Variants in MYO1G observed in about 807,000 individuals in gnomAD.
MYO1G encodes unconventional myosin-Ig.
In MYO1G, 65 loss-of-function variants were observed where a neutral mutation model predicts 115.3. That is an observed-to-expected ratio of 0.56 (90% CI 0.46 to 0.69). The LOEUF (loss-of-function observed/expected upper bound fraction) is 0.69, where lower values mean the gene tolerates loss of function less well. Among genes scored for constraint, MYO1G ranks in the 30% least tolerant of loss-of-function variants. The pLI is 0.00. For synonymous variants in MYO1G, 510 were observed against 552.6 expected (o/e 0.92, Z 1.08); for missense variants, 1,204 against 1,393.5 (o/e 0.86, Z 2.16).
chr7:44,964,054 C>A lies in MYO1G; in HGVS notation c.2740G>T (p.Glu914Ter). Residue 914 changes from glutamate to a stop codon, truncating the protein, a stop_gained, in exon 20 of 22, where the codon GAG becomes TAG. Coordinates refer to ENST00000258787, the MANE Select transcript of MYO1G (RefSeq NM_033054.3). LOFTEE classifies it high-confidence loss of function. The surrounding 1 kb of genome is among the most constrained non-coding windows in gnomAD (Gnocchi z 5.1). ...QYRVMRAVPL[E>*]AVTGLSVTSG... is the part of the protein sequence containing the mutation. ...TCCCCACCCACATTGCTCACCGCCTCAAGGGGCACGGCCCGCATCACCCGG... is the reference window on the plus strand; with the variant it reads ...TCCCCACCCACATTGCTCACCGCCTAAAGGGGCACGGCCCGCATCACCCGG... The A allele has an allele frequency of 6.3e-7, 1 of 1,588,094 alleles. No homozygotes were observed. Among genetic ancestry groups the A allele is most frequent in the East Asian group, 2.3e-5 (1 of 43,746 alleles).
chr7:44,970,195 T>G, intron 9 of MYO1G, 41 bp from the exon 10 acceptor site: 1 of 1,369,356 alleles, frequency 7.3e-7, no homozygotes, highest in South Asian at 1.2e-5. Flanking sequence ...GGTCGCTGCT[T>G]GTGGAGTGCA....
At chr7:44,977,825 C>T (rs1173400344) in intron 1 of MYO1G, among the ~76,000 whole-genome samples, 1 of 152,172 alleles carries the variant, frequency 6.6e-6, no homozygotes, top group Non-Finnish European at 1.5e-5. Context: ...TCCCGGCAGC[C>T]TGTCCTGGGT....
chr7:44,963,008 A>C lies in MYO1G; in HGVS notation c.2862T>G (p.Val954=). 6.5e-7 allele frequency: 1 copy of C among 1,533,080 alleles called. No individual in the cohort carries two copies. The highest frequency in any genetic ancestry group is 2.5e-5 in the East Asian group (1 of 40,060). 95.0% of individuals were successfully genotyped at this position (1,533,080 alleles called of 1,614,324 possible). ...CGGCCAGCACGCCCACCAGCTCCCCAACGCGGTTGTCCAATGGCGGCCGGG... is the reference window on the plus strand; with the variant it reads ...CGGCCAGCACGCCCACCAGCTCCCCCACGCGGTTGTCCAATGGCGGCCGGG... The part of the protein sequence containing the change: ...HRSRPPLDNR[V]GELVGVLAAH... Residue 954 remains valine, a synonymous_variant, in exon 21 of 22, where the codon GTT becomes GTG. Transcript: ENST00000258787. The surrounding 1 kb of genome is among the most constrained non-coding windows in gnomAD (Gnocchi z 4.1).
intron 4 of MYO1G, 32 bp downstream of exon 4, chr7:44,975,452 C>G: frequency 4.4e-6 from 7 of 1,588,240 alleles, no homozygotes; most frequent in Non-Finnish European, 5.2e-6. Context: ...GCCAGGGCTC[C>G]CCATGGAGGT....
chr7:44,963,023 T>C lies in MYO1G; in HGVS notation c.2847A>G (p.Pro949=). Residue 949 remains proline (P), a synonymous_variant, in exon 21 of 22, where the codon CCA becomes CCG. Coordinates refer to ENST00000258787, the MANE Select transcript of MYO1G (RefSeq NM_033054.3). The surrounding 1 kb of genome is among the most constrained non-coding windows in gnomAD (Gnocchi z 4.1). ...CCAGCTCCCCAACGCGGTTGTCCAA[T>C]GGCGGCCGGGAGCGGTGCAGGCACA... ...LVVCLHRSRP[P]LDNRVGELVG... 2 of 1,532,046 alleles carry C rather than the reference T, an allele frequency of 1.3e-6. No homozygotes were observed. The highest frequency in any genetic ancestry group is 1.9e-4 in the Middle Eastern group (1 of 5,260). The allele number at this position is 1,532,046 out of a possible 1,614,324, so 94.9% of individuals were successfully genotyped here. A position where few individuals can be genotyped will look rare whatever the true frequency, so the allele number is the denominator to read the frequency against.
At chr7:44,967,447 G>T (rs1408004788) in intron 14 of MYO1G, among the ~76,000 whole-genome samples, 158 bp downstream of exon 14, 3 of 152,210 alleles carry the variant, frequency 2.0e-5, no homozygotes, top group Admixed American at 2.0e-4. Flanking sequence ...TGTGCAGTGG[G>T]TGGGGTCCAC....
intron 3 of MYO1G, 130 bp downstream of exon 3, chr7:44,976,434 A>C (rs567918245): frequency 2.4e-6 from 2 of 845,320 alleles, no homozygotes; most frequent in Non-Finnish European, 1.9e-6. Flanking sequence ...GAAACTTCCC[A>C]AGTTCCCACT....
At position 44,969,579 on chromosome 7, in the gene MYO1G, G is replaced by A; in HGVS notation, c.1504-96C>T. On this transcript the variant is annotated intron_variant, in intron 11 of 21. Coordinates refer to ENST00000258787, the MANE Select transcript of MYO1G (RefSeq NM_033054.3). This position sits in a 1 kb window ranked among gnomAD's most constrained non-coding sequence, Gnocchi z 5.0. ...CCCCACCTCCAGGGCAGAGAAGGTTGCCACAGTGACGACAATGGCACCAAA... is the reference window on the plus strand; with the variant it reads ...CCCCACCTCCAGGGCAGAGAAGGTTACCACAGTGACGACAATGGCACCAAA... 6.3e-7 allele frequency: 1 copy of A among 1,577,460 alleles called. No homozygotes were observed. The highest frequency in any genetic ancestry group is 8.7e-7 in the Non-Finnish European group (1 of 1,149,286).
chr7:44,972,181 C>T lies in MYO1G; in HGVS notation c.663G>A (p.Leu221=). ...SEDKQLHELH[L]ERNPAVYNFT... is the part of the protein sequence containing the mutation. ...AATTGTATACAGCAGGGTTTCTCTC[C>T]AAGTGCAGTTCATGCAGCTGCTTGT... Residue 221 remains leucine (L), a synonymous_variant, in exon 6 of 22, where the codon TTG becomes TTA. Transcript: ENST00000258787. The T allele has an allele frequency of 8.7e-6, 14 of 1,614,104 alleles. No individual in the cohort carries two copies. Among genetic ancestry groups the T allele is most frequent in the Non-Finnish European group, 1.2e-5 (14 of 1,180,010 alleles).
rs1794925465 is a variant in MYO1G at position 44,970,049 on chromosome 7, G to A, written c.1323C>T (p.Thr441=). 6.2e-7 allele frequency: 1 copy of A among 1,613,848 alleles called. No individual in the cohort carries two copies. The highest frequency in any genetic ancestry group is 8.5e-7 in the Non-Finnish European group (1 of 1,179,866). The change falls in exon 10 of 22, where the codon ACC becomes ACT. Residue 441 remains threonine, a synonymous_variant. Transcript: ENST00000258787. ...AGGCCACAGTGCTCACGCTCTGCCA[G>A]GTGATGCCCTCGCGCTCGTACTCTT... The part of the protein sequence containing the change: ...EQEEYEREGI[T]WQSVEYFNNA...
Position 44,965,862 on chromosome 7 carries a change from TG to T in MYO1G, c.2158-3del, listed in dbSNP as rs770277623. 5 of 1,598,388 alleles carry T rather than the reference TG, an allele frequency of 3.1e-6. No individual in the cohort carries two copies. Among genetic ancestry groups the T allele is most frequent in the Non-Finnish European group, 4.2e-6 (5 of 1,179,786 alleles). ...CCTCGCCAAGGTGCCCCGCCATGCC[TG>T]GGTGGGCCAGGTGGGATGGGATACG... On this transcript the variant is annotated splice_polypyrimidine_tract_variant and splice_region_variant and intron_variant, in intron 16 of 21. Transcript: ENST00000258787.
In MYO1G at chr7:44,966,339, C is replaced by T; in HGVS notation, c.1950-59G>A. The T allele has an allele frequency of 1.4e-6, 2 of 1,419,436 alleles. No homozygotes were observed. The highest frequency in any genetic ancestry group is 1.9e-6 in the Non-Finnish European group (2 of 1,035,948). 87.9% of individuals were successfully genotyped at this position (1,419,436 alleles called of 1,614,324 possible). A position where few individuals can be genotyped will look rare whatever the true frequency, so the allele number is the denominator to read the frequency against. On this transcript the variant is annotated intron_variant, in intron 15 of 21. Transcript: ENST00000258787. This position sits in a 1 kb window ranked among gnomAD's most constrained non-coding sequence, Gnocchi z 5.0. ...CCTGGGGGAGAGATGATGGAGCCCA[C>T]CCTGCCCACCCCACACCTGGGGAGA...
chr7:44,976,150 C>T (rs747330152), intron 3 of MYO1G, among the ~76,000 whole-genome samples: 35 of 152,244 alleles, frequency 2.3e-4, no homozygotes, highest in Non-Finnish European at 4.6e-4. Context: ...GGTTTCAAGG[C>T]TCCTGGCCAT....
At chr7:44,974,922 C>T (rs926100578) in intron 5 of MYO1G, 95 of 568,162 alleles carry the variant, frequency 1.7e-4, no homozygotes, top group African/African-American at 6.6e-4. Context: ...CCCAGAGAGC[C>T]CTCATCTGGA....
intron 1 of MYO1G, 46 bp from the exon 2 acceptor site, chr7:44,977,117 A>C: frequency 6.3e-7 from 1 of 1,582,864 alleles, no homozygotes; most frequent in Non-Finnish European, 8.6e-7. Context: ...GCTTACAGGC[A>C]CCCACAGGCC....
At position 44,969,932 on chromosome 7, in the gene MYO1G, C is replaced by T; in HGVS notation, c.1333-57G>A. 1 of 1,586,464 alleles carries T rather than the reference C, an allele frequency of 6.3e-7. No individual in the cohort carries two copies. The highest frequency in any genetic ancestry group is 8.6e-7 in the Non-Finnish European group (1 of 1,164,788). On this transcript the variant is annotated intron_variant, in intron 10 of 21. Transcript: ENST00000258787. This position sits in a 1 kb window ranked among gnomAD's most constrained non-coding sequence, Gnocchi z 5.0. ...CAAGGTCTTTCAGGCCACCTCCCCT[C>T]CTCCGCCCCACACTCAGCCACCTGT...
chr7:44,962,793 C>T lies in MYO1G; in HGVS notation c.3003G>A (p.Glu1001=), dbSNP rs1365254339. 1.3e-6 allele frequency: 2 copies of T among 1,511,226 alleles called. No homozygotes were observed. Among genetic ancestry groups the T allele is most frequent in the Admixed American group, 4.3e-5 (2 of 46,178 alleles). 93.6% of individuals were successfully genotyped at this position (1,511,226 alleles called of 1,614,324 possible). A position where few individuals can be genotyped will look rare whatever the true frequency, so the allele number is the denominator to read the frequency against. The change falls in exon 22 of 22, where the codon GAG becomes GAA. Residue 1001 remains glutamate (E), a synonymous_variant. Transcript: ENST00000258787. The surrounding 1 kb of genome is among the most constrained non-coding windows in gnomAD (Gnocchi z 5.3). Reference sequence around the variant, plus strand: ...AGCCGCGAGCGCAGCGGAAATCGGGCTCTGGCTGCTCCGGCCTGGGCTCCA... The same window carrying T: ...AGCCGCGAGCGCAGCGGAAATCGGGTTCTGGCTGCTCCGGCCTGGGCTCCA... The part of the protein sequence containing the change: ...ISVEPRPEQP[E]PDFRCARGSF...
At position 44,963,062 on chromosome 7, in the gene MYO1G, C is replaced by T. The variant is rs1273847693; in HGVS notation, c.2808G>A (p.Gln936=). ...GGTGCAGGCACACCACGAGGTCGTC[C>T]TGGCCGCGGGCGTGCAGCACCACCA... The part of the protein sequence containing the change: ...DQLVVLHARG[Q]DDLVVCLHRS... The change falls in exon 21 of 22, where the codon CAG becomes CAA. Residue 936 remains glutamine, a synonymous_variant. Transcript: ENST00000258787. The surrounding 1 kb of genome is among the most constrained non-coding windows in gnomAD (Gnocchi z 4.1). 3 of 1,523,924 alleles carry T rather than the reference C, an allele frequency of 2.0e-6. No individual in the cohort carries two copies. The highest frequency in any genetic ancestry group is 2.6e-6 in the Non-Finnish European group (3 of 1,141,108). The allele number at this position is 1,523,924 out of a possible 1,614,324, so 94.4% of individuals were successfully genotyped here. A position where few individuals can be genotyped will look rare whatever the true frequency, so the allele number is the denominator to read the frequency against.
chr7:44,976,682 G>C, intron 2 of MYO1G, 25 bp from the exon 3 acceptor site: 1 of 1,613,620 alleles, frequency 6.2e-7, no homozygotes, highest in South Asian at 1.1e-5. Flanking sequence ...AGAGTTGAGA[G>C]AATCAGCCAG....
Sources: allele counts gnomAD v4.1 joint callset (sites outside exome capture counted in the v4.1 genomes callset), GRCh38; gene constraint gnomAD v4.1.1; non-coding constraint Gnocchi (gnomAD v3.1); transcripts MANE v1.5; gene names NCBI Gene and HGNC (gene_info 2026-07-23, HGNC 2026-07-21).